The following ANOS1 variants were observed in gnomAD, a reference collection of about 807,000 sequenced individuals.
ANOS1 encodes anosmin 1, also known as anosmin-1.
A neutral mutation model predicts 59.0 loss-of-function variants in ANOS1; 6 were observed. The observed-to-expected ratio is 0.10, with a 90% CI of 0.06 to 0.20. The LOEUF (loss-of-function observed/expected upper bound fraction) is 0.20. Among genes scored for constraint, ANOS1 ranks in the 10% least tolerant of loss-of-function variants. The pLI, the probability that ANOS1 is intolerant of heterozygous loss-of-function variation, is 1.00. For synonymous variants in ANOS1, 217 were observed against 223.4 expected, an observed-to-expected ratio of 0.97 and a Z score of 0.25; for missense variants, 433 against 542.3, an observed-to-expected ratio of 0.80 and a Z score of 2.00.
intron 2 of ANOS1, among the ~76,000 whole-genome samples, chrX:8,684,465 T>C (rs1932474288): frequency 9.0e-6 from 1 of 111,473 alleles, no homozygotes; most frequent in Non-Finnish European, 1.9e-5. Context: ...CTGTGCTCAC[T>C]GAAGCAGATG....
intron 9 of ANOS1, among the ~76,000 whole-genome samples, chrX:8,542,861 T>C (rs1243509206): frequency 1.9e-5 from 2 of 107,677 alleles, no homozygotes; most frequent in South Asian, 4.1e-4. Flanking sequence ...CATCTCAAGG[T>C]TGGCTTTGAG....
At chrX:8,623,479 C>T (rs1383833492) in intron 3 of ANOS1, 129 bp downstream of exon 3, 16 of 536,629 alleles carry the variant, frequency 3.0e-5, no homozygotes, top group Non-Finnish European at 6.5e-6. Flanking sequence ...TACGTATATC[C>T]ACACACACCT....
chrX:8,594,662 A>G (rs1196499429), intron 4 of ANOS1, among the ~76,000 whole-genome samples: 12 of 14,585 alleles, frequency 8.2e-4, no homozygotes, highest in African/African-American at 3.8e-3. Flanking sequence ...ATATGTGTAT[A>G]TATATATATA....
intron 2 of ANOS1, among the ~76,000 whole-genome samples, chrX:8,643,886 A>G (rs1014250913): frequency 1.8e-5 from 2 of 111,670 alleles, no homozygotes; most frequent in African/African-American, 6.5e-5. Flanking sequence ...AAATTTACCT[A>G]TAACCTAGAA....
intron 1 of ANOS1, among the ~76,000 whole-genome samples, chrX:8,729,614 A>G (rs1236388): frequency 0.46 from 45,648 of 99,788 alleles, 8,465 homozygotes; most frequent in East Asian, 0.61. Context: ...GGCTGGTCTC[A>G]AACTCCTGAC....
chrX:8,648,490 G>C (rs1029114127), intron 2 of ANOS1, among the ~76,000 whole-genome samples: 1 of 107,540 alleles, frequency 9.3e-6, no homozygotes, highest in Non-Finnish European at 1.9e-5. Context: ...CAATTACATG[G>C]AAATTATTGT....
In ANOS1 at chrX:8,626,625, C is replaced by T. The variant is rs62584215; in HGVS notation, c.256-2955G>A. 6.5e-3 allele frequency among the ~76,000 whole-genome samples: 722 copies of T among 110,668 alleles called. 5 individuals carry two copies. The highest frequency in any genetic ancestry group is 0.011 in the Non-Finnish European group (560 of 52,908). On this transcript the variant is annotated intron_variant, in intron 2 of 13. Transcript: ENST00000262648. ...CTGTAATCCCAGCACTTTGGAAGGCCGAGGCAGGCGGATCACAAGGTCAGG... is the reference window on the plus strand; with the variant it reads ...CTGTAATCCCAGCACTTTGGAAGGCTGAGGCAGGCGGATCACAAGGTCAGG...
At chrX:8,721,566 T>C (rs141742765) in intron 1 of ANOS1, among the ~76,000 whole-genome samples, 1 of 112,344 alleles carries the variant, frequency 8.9e-6, no homozygotes, top group East Asian at 2.8e-4. Flanking sequence ...TTTCCACTAA[T>C]TCAGAAGCTG....
At chrX:8,560,065 G>A (rs777194494) in intron 8 of ANOS1, among the ~76,000 whole-genome samples, 1 of 111,914 alleles carries the variant, frequency 8.9e-6, no homozygotes, top group Non-Finnish European at 1.9e-5. Context: ...TATTCGGGGT[G>A]TTTTATTTAC....
intron 2 of ANOS1, among the ~76,000 whole-genome samples, chrX:8,699,015 T>A (rs1455836738): frequency 1.8e-5 from 2 of 111,586 alleles, no homozygotes; most frequent in Non-Finnish European, 3.8e-5. Context: ...ATCCCAAAGT[T>A]TTGCTCCAAT....
intron 1 of ANOS1, among the ~76,000 whole-genome samples, chrX:8,725,651 GATAT>G (rs762708250): frequency 5.1e-5 from 1 of 19,724 alleles, no homozygotes; most frequent in African/African-American, 3.4e-4. Context: ...TATATATACA[GATAT>G]ATATATATAC....
At chrX:8,722,606 TACACAC>T (rs1387474433) in intron 1 of ANOS1, among the ~76,000 whole-genome samples, 2 of 108,955 alleles carry the variant, frequency 1.8e-5, no homozygotes, top group East Asian at 5.8e-4. Context: ...CACACACACA[TACACAC>T]CACAGTTTCT....
chrX:8,663,310 C>G (rs1430356645), intron 2 of ANOS1, among the ~76,000 whole-genome samples: 1 of 111,937 alleles, frequency 8.9e-6, no homozygotes, highest in African/African-American at 3.2e-5. Context: ...AAAAAACATT[C>G]TGTTTCTTTG....
intron 3 of ANOS1, among the ~76,000 whole-genome samples, chrX:8,612,761 G>A (rs1234693732): frequency 2.7e-5 from 3 of 111,033 alleles, no homozygotes; most frequent in Non-Finnish European, 3.8e-5. Context: ...TAACTTGGAT[G>A]AAATAGTTCA....
intron 2 of ANOS1, among the ~76,000 whole-genome samples, chrX:8,693,303 C>T (rs926032444): frequency 5.4e-5 from 6 of 111,713 alleles, no homozygotes; most frequent in African/African-American, 1.6e-4. Context: ...ATTCTTCTCT[C>T]CATCCTTCAT....
chrX:8,668,428 T>TATATATATACATAC (rs1932195788), intron 2 of ANOS1, among the ~76,000 whole-genome samples: 1 of 83,539 alleles, frequency 1.2e-5, no homozygotes. Flanking sequence ...TATATATATA[T>TATATATATACATAC]ATACACACAC....
At chrX:8,596,907 A>G (rs908584550) in intron 4 of ANOS1, 127 bp downstream of exon 4, 1 of 1,064,481 alleles carries the variant, frequency 9.4e-7, no homozygotes, top group African/African-American at 1.9e-5. Context: ...TATGTGGTAT[A>G]AAATAAATTT....
At chrX:8,546,456 A>G (rs754897290) in intron 9 of ANOS1, among the ~76,000 whole-genome samples, 1 of 112,289 alleles carries the variant, frequency 8.9e-6, no homozygotes, top group Admixed American at 9.4e-5. Context: ...ATTTAAGAAA[A>G]AGGACTTTTT....
At chrX:8,679,525 C>G (rs1932387527) in intron 2 of ANOS1, among the ~76,000 whole-genome samples, 1 of 99,008 alleles carries the variant, frequency 1.0e-5, no homozygotes, top group Admixed American at 1.1e-4. Context: ...CTTATAATAT[C>G]CACCTTTAGG....
Sources: gnomAD v4.1 joint callset for allele counts (sites outside exome capture counted in the v4.1 genomes callset) on GRCh38, gnomAD v4.1.1 for gene constraint, MANE v1.5 for transcripts, NCBI Gene and HGNC (gene_info 2026-07-23, HGNC 2026-07-21) for gene names.